STAT3: variants seen among roughly 807,000 people sequenced by gnomAD.
STAT3 encodes signal transducer and activator of transcription 3.
STAT3 carries 7 observed loss-of-function variants against 114.3 expected under a neutral mutation model. That is an observed-to-expected ratio of 0.06 (90% CI 0.03 to 0.11). The LOEUF (loss-of-function observed/expected upper bound fraction) is 0.11, where lower values mean the gene tolerates loss of function less well. Ranked by LOEUF, STAT3 falls within the 10% of genes least tolerant of loss-of-function variation. STAT3 has a pLI of 1.00. For synonymous variants in STAT3, 331 were observed against 354.5 expected (o/e 0.93, Z 0.74); for missense variants, 364 against 960.9 (o/e 0.38, Z 8.21).
chr17:42,380,736 G>A (rs1019040690), intron 1 of STAT3, among the ~76,000 whole-genome samples: 1 of 152,076 alleles, frequency 6.6e-6, no homozygotes, highest in Non-Finnish European at 1.5e-5. Flanking sequence ...GCAACGTGAC[G>A]AGATCCTGAC....
In STAT3 at chr17:42,324,382, A is replaced by C. The variant is rs986557592; in HGVS notation, c.1600+329T>G. Among the ~76,000 whole-genome samples, 2 of 152,158 alleles carry C rather than the reference A, an allele frequency of 1.3e-5. No individual in the cohort carries two copies. Among genetic ancestry groups the C allele is most frequent in the African/African-American group, 4.8e-5 (2 of 41,458 alleles). On this transcript the variant is annotated intron_variant, in intron 17 of 23. Transcript: ENST00000264657. The surrounding 1 kb of genome is among the most constrained non-coding windows in gnomAD (Gnocchi z 4.5). ...CAACTAGCCTATAGTTTATTAAAAA[A>C]ATGGACAGGGAATGTCAAGCCTTTA...
chr17:42,325,175 C>T (rs926839122), intron 15 of STAT3, 114 bp from the exon 16 acceptor site: 1 of 973,950 alleles, frequency 1.0e-6, no homozygotes, highest in Non-Finnish European at 1.6e-6. Context: ...ATAAACCACA[C>T]CTGCTGCCAA....
chr17:42,365,341 A>T (rs1054580899), intron 1 of STAT3, among the ~76,000 whole-genome samples: 2 of 152,312 alleles, frequency 1.3e-5, no homozygotes, highest in East Asian at 3.9e-4. Flanking sequence ...TACAGGAGTA[A>T]AGAAAATTCC....
rs2081579356 is a variant in STAT3, at chr17:42,323,645, T to G, written c.1601-20A>C. The G allele has an allele frequency of 3.7e-6, 6 of 1,612,810 alleles. No homozygotes were observed. The highest frequency in any genetic ancestry group is 5.1e-6 in the Non-Finnish European group (6 of 1,179,138). On this transcript the variant is annotated intron_variant, in intron 17 of 23. Transcript: ENST00000264657. ...CAGGTCCTGAAGGAAAGAAAAAGAGTCAAGTAGTACATTTTCAGCTTGGGG... is the reference window on the plus strand; with the variant it reads ...CAGGTCCTGAAGGAAAGAAAAAGAGGCAAGTAGTACATTTTCAGCTTGGGG...
At chr17:42,372,783 G>T (rs546005912) in intron 1 of STAT3, among the ~76,000 whole-genome samples, 18 of 152,070 alleles carry the variant, frequency 1.2e-4, no homozygotes, top group African/African-American at 4.3e-4. Context: ...GGAGTTTCAG[G>T]CTATAGCAAG....
At chr17:42,386,779 T>C (rs1196981178) in intron 1 of STAT3, among the ~76,000 whole-genome samples, 2 of 152,218 alleles carry the variant, frequency 1.3e-5, no homozygotes, top group Admixed American at 1.3e-4. Flanking sequence ...TGGTTCTTTG[T>C]GATGGATGTG....
At chr17:42,386,451 C>A (rs765709139) in intron 1 of STAT3, among the ~76,000 whole-genome samples, 2 of 152,146 alleles carry the variant, frequency 1.3e-5, no homozygotes, top group Non-Finnish European at 2.9e-5. Flanking sequence ...ACCCACCTCA[C>A]AAGTCCTTTG....
rs760101939 is a variant in STAT3, at chr17:42,323,242, A to G, written c.1748+18T>C. The G allele has an allele frequency of 4.3e-6, 7 of 1,614,064 alleles. No homozygotes were observed. The African/African-American group carries it at 9.3e-5, about 22-fold the overall frequency. ...GCAGGGGACTTGGTTACATCTGTGC[A>G]CACTCTGTCCAACCTACCCTTCGTT... On this transcript the variant is annotated intron_variant, in intron 19 of 23. Coordinates refer to ENST00000264657, the MANE Select transcript of STAT3 (RefSeq NM_139276.3).
At chr17:42,336,313 T>G (rs548610129) in intron 8 of STAT3, among the ~76,000 whole-genome samples, 1 of 152,156 alleles carries the variant, frequency 6.6e-6, no homozygotes. Context: ...AGGAAGATCC[T>G]GGGCTGGGCA....
intron 21 of STAT3, among the ~76,000 whole-genome samples, chr17:42,318,266 C>T (rs1208173703): frequency 6.6e-6 from 1 of 152,038 alleles, no homozygotes; most frequent in African/African-American, 2.4e-5. Flanking sequence ...GGATTACAGG[C>T]ATCTGCCACC....
At chr17:42,336,581 C>T (rs1280750237) in intron 8 of STAT3, among the ~76,000 whole-genome samples, 5 of 151,768 alleles carry the variant, frequency 3.3e-5, no homozygotes, top group Non-Finnish European at 7.4e-5. Context: ...CTGGGTAACA[C>T]AGTGAGACCC....
chr17:42,325,218 G>T, intron 15 of STAT3, 157 bp from the exon 16 acceptor site: 1 of 669,940 alleles, frequency 1.5e-6, no homozygotes. Context: ...AGTCAGCTCA[G>T]TGAGCACTCA....
At chr17:42,377,337 G>A (rs960408239) in intron 1 of STAT3, among the ~76,000 whole-genome samples, 9 of 152,232 alleles carry the variant, frequency 5.9e-5, no homozygotes, top group Admixed American at 1.3e-4. Flanking sequence ...TCCCACCACA[G>A]CCTCCCGAGT....
chr17:42,365,523 C>G (rs2083730636), intron 1 of STAT3, among the ~76,000 whole-genome samples: 1 of 151,860 alleles, frequency 6.6e-6, no homozygotes, highest in African/African-American at 2.4e-5. Flanking sequence ...TTGCATTCGG[C>G]AACTAGAACA....
At chr17:42,334,105 T>A (rs1278466755) in intron 8 of STAT3, 56 bp from the exon 9 acceptor site, 1 of 1,603,610 alleles carries the variant, frequency 6.2e-7, no homozygotes, top group Non-Finnish European at 8.5e-7. Context: ...ACAGGTGAGA[T>A]GGAGAAGGGG....
intron 14 of STAT3, among the ~76,000 whole-genome samples, chr17:42,327,231 A>AT (rs1353732989): frequency 1.3e-5 from 2 of 150,694 alleles, no homozygotes; most frequent in East Asian, 3.9e-4. Flanking sequence ...AATAACTGCT[A>AT]TTTTGTCTTT....
rs2082260624 is a variant in STAT3, at chr17:42,337,125, G to A, written c.797+310C>T. Reference sequence around the variant, plus strand: ...GCCCAGAGTAGCTGGGACTACAGGTGCGCACCACCACGCCCGGCTAATTTT... The same window carrying A: ...GCCCAGAGTAGCTGGGACTACAGGTACGCACCACCACGCCCGGCTAATTTT... On this transcript the variant is annotated intron_variant, in intron 8 of 23. Transcript: ENST00000264657. The surrounding 1 kb of genome is among the most constrained non-coding windows in gnomAD (Gnocchi z 4.0). Among the ~76,000 whole-genome samples the A allele has an allele frequency of 1.3e-5, 2 of 151,982 alleles. No individual in the cohort carries two copies. Among genetic ancestry groups the A allele is most frequent in the Admixed American group, 6.6e-5 (1 of 15,246 alleles).
chr17:42,362,194 C>T (rs1221849440), intron 1 of STAT3, among the ~76,000 whole-genome samples: 2 of 152,178 alleles, frequency 1.3e-5, no homozygotes, highest in African/African-American at 4.8e-5. Context: ...GCTCGATTCC[C>T]TCAAGACATT....
chr17:42,328,049 G>GAAAAA (rs971734925), intron 14 of STAT3, among the ~76,000 whole-genome samples: 1 of 149,880 alleles, frequency 6.7e-6, no homozygotes, highest in Admixed American at 6.6e-5. Flanking sequence ...AAAAAAAAAA[G>GAAAAA]AAAAAAGAAA....
Sources: allele counts gnomAD v4.1 joint callset (sites outside exome capture counted in the v4.1 genomes callset), GRCh38; gene constraint gnomAD v4.1.1; non-coding constraint Gnocchi (gnomAD v3.1); transcripts MANE v1.5; gene names NCBI Gene and HGNC (gene_info 2026-07-23, HGNC 2026-07-21).